FRAS1: variants seen among roughly 807,000 people sequenced by gnomAD.
FRAS1 encodes extracellular matrix organizing protein FRAS1.
A neutral mutation model predicts 435.2 loss-of-function variants in FRAS1; 290 were observed. The ratio of observed to expected loss-of-function variants is 0.67; its 90% CI spans 0.61 to 0.73. The LOEUF is 0.73. Ranked by LOEUF, FRAS1 falls within the 30% of genes least tolerant of loss-of-function variation. The pLI is 0.00. For missense variants in FRAS1, 4,860 were observed against 5,001.5 expected (o/e 0.97, Z 0.85); for synonymous variants, 1,800 against 1,851.0 (o/e 0.97, Z 0.71).
At chr4:78,278,195 A>G (rs1312312722) in intron 9 of FRAS1, among the ~76,000 whole-genome samples, 1 of 152,226 alleles carries the variant, frequency 6.6e-6, no homozygotes, top group South Asian at 2.1e-4. Context: ...TGCTTAATTT[A>G]TGCTTAAGAC....
intron 20 of FRAS1, among the ~76,000 whole-genome samples, chr4:78,341,307 G>T (rs996240040): frequency 6.6e-6 from 1 of 152,192 alleles, no homozygotes; most frequent in Non-Finnish European, 1.5e-5. Flanking sequence ...GACTTGAAGT[G>T]GGAGGGAGCA....
chr4:78,287,114 G>A (rs1727645075), intron 14 of FRAS1, among the ~76,000 whole-genome samples: 1 of 152,078 alleles, frequency 6.6e-6, no homozygotes, highest in South Asian at 2.1e-4. Flanking sequence ...AGAAGGCAAA[G>A]GGGAAGCAAG....
rs1718788319 is a variant in FRAS1, at chr4:78,445,526, T to C, written c.5670T>C (p.Asp1890=). ...GCTCTCTTGATGTTGATGCAGGTGA[T>C]CGTTTTGGCCCTGAAACTGCCAGTG... ...YGCIENTGTG[D]RFGPETASDL... Residue 1890 remains aspartate (D), a synonymous_variant, in exon 42 of 74, where the codon GAT becomes GAC. Transcript: ENST00000512123. The C allele has an allele frequency of 6.4e-7, 1 of 1,565,362 alleles. No individual in the cohort carries two copies. Among genetic ancestry groups the C allele is most frequent in the East Asian group, 2.3e-5 (1 of 43,980 alleles).
At chr4:78,272,458 G>A (rs1457096062) in intron 9 of FRAS1, among the ~76,000 whole-genome samples, 1 of 152,188 alleles carries the variant, frequency 6.6e-6, no homozygotes, top group Non-Finnish European at 1.5e-5. Context: ...TGCCATTTAA[G>A]TCTTTAATCC....
Position 78,363,588 on chromosome 4 carries a change from C to T in FRAS1, c.2498C>T (p.Ala833Val), listed in dbSNP as rs770503690. The change falls in exon 21 of 74, where the codon GCC becomes GTC. Residue 833 changes from alanine to valine, a missense_variant. Ala to Val is a moderately conservative substitution (Grantham distance 64, BLOSUM62 0). Coordinates refer to ENST00000512123, the MANE Select transcript of FRAS1 (RefSeq NM_025074.7). ...TGSICLRCQN[A>V]HYLLLGDHCV... ...AGCATCTGCCTCAGGTGCCAGAATG[C>T]CCACTACCTGCTGCTCGGGGACCAC... 6.2e-7 allele frequency: 1 copy of T among 1,611,638 alleles called. No individual in the cohort carries two copies. Among genetic ancestry groups the T allele is most frequent in the Non-Finnish European group, 8.5e-7 (1 of 1,178,916 alleles).
intron 6 of FRAS1, among the ~76,000 whole-genome samples, chr4:78,262,746 C>G (rs1726170438): frequency 6.6e-6 from 1 of 152,146 alleles, no homozygotes; most frequent in Admixed American, 6.6e-5. Flanking sequence ...CCGAATACAT[C>G]TTTAGTGATA....
At chr4:78,448,342 C>T (rs1183225360) in intron 44 of FRAS1, 26 bp downstream of exon 44, 1 of 1,559,716 alleles carries the variant, frequency 6.4e-7, no homozygotes, top group Middle Eastern at 2.2e-4. Flanking sequence ...AGGAGAGTGG[C>T]CATGGTTTTT....
intron 64 of FRAS1, among the ~76,000 whole-genome samples, chr4:78,512,086 T>C (rs1175424144): frequency 3.9e-5 from 6 of 152,184 alleles, no homozygotes; most frequent in Non-Finnish European, 5.9e-5. Context: ...CCTAAATATC[T>C]ACTGAACAAA....
chr4:78,439,683 G>T (rs568798250), intron 40 of FRAS1, among the ~76,000 whole-genome samples: 1 of 152,150 alleles, frequency 6.6e-6, no homozygotes, highest in African/African-American at 2.4e-5. Context: ...TTTTAAGAGA[G>T]GAGGTTTCAC....
In FRAS1 at chr4:78,430,907, G is replaced by A. The variant is rs185216227; in HGVS notation, c.4969+490G>A. 7.2e-5 allele frequency among the ~76,000 whole-genome samples: 11 copies of A among 151,868 alleles called. No individual in the cohort carries two copies. In the East Asian group the frequency reaches 1.7e-3, roughly 24 times the overall value. On this transcript the variant is annotated intron_variant, in intron 37 of 73. Coordinates refer to ENST00000512123, the MANE Select transcript of FRAS1 (RefSeq NM_025074.7). ...GATATAACAGTGTGGTAATGTGATC[G>A]GCTTTCCAAAATAACTCTTATTGTG...
At chr4:78,137,429 A>C (rs1227437102) in intron 2 of FRAS1, among the ~76,000 whole-genome samples, 1 of 152,230 alleles carries the variant, frequency 6.6e-6, no homozygotes. Flanking sequence ...AATGAAGGAA[A>C]GAGAATGATT....
chr4:78,524,210 C>A (rs779301969), intron 69 of FRAS1, among the ~76,000 whole-genome samples: 5 of 152,210 alleles, frequency 3.3e-5, no homozygotes, highest in Admixed American at 6.5e-5. Flanking sequence ...ACATATGATT[C>A]ATCTTAAATC....
chr4:78,252,939 A>C (rs1052131857), intron 5 of FRAS1, among the ~76,000 whole-genome samples: 1 of 152,198 alleles, frequency 6.6e-6, no homozygotes, highest in Non-Finnish European at 1.5e-5. Flanking sequence ...CTTGATAAAC[A>C]TCTTAACGGA....
chr4:78,224,905 G>C (rs965737894), intron 2 of FRAS1, among the ~76,000 whole-genome samples: 1 of 152,076 alleles, frequency 6.6e-6, no homozygotes, highest in Non-Finnish European at 1.5e-5. Flanking sequence ...AAAAAGCAGT[G>C]TCTCTATGGA....
At chr4:78,121,176 C>A (rs1279265299) in intron 2 of FRAS1, among the ~76,000 whole-genome samples, 1 of 152,112 alleles carries the variant, frequency 6.6e-6, no homozygotes, top group Non-Finnish European at 1.5e-5. Flanking sequence ...GACCTTTCTC[C>A]TTGAAGCAAT....
intron 2 of FRAS1, among the ~76,000 whole-genome samples, chr4:78,123,536 G>A (rs1719157346): frequency 6.6e-6 from 1 of 152,126 alleles, no homozygotes; most frequent in South Asian, 2.1e-4. Context: ...AGCTTGATGG[G>A]AATAGCATTG....
intron 3 of FRAS1, among the ~76,000 whole-genome samples, chr4:78,243,673 T>C (rs200811324): frequency 9.1e-5 from 12 of 131,370 alleles, no homozygotes; most frequent in African/African-American, 1.9e-4. Context: ...TATATATATA[T>C]ACACACAAAC....
intron 35 of FRAS1, among the ~76,000 whole-genome samples, chr4:78,428,529 T>A (rs1734082602): frequency 6.6e-6 from 1 of 152,164 alleles, no homozygotes; most frequent in Non-Finnish European, 1.5e-5. Context: ...TTCATCGTGT[T>A]AGCCAGGATG....
chr4:78,329,624 A>G (rs1010252135), intron 18 of FRAS1, among the ~76,000 whole-genome samples: 1 of 152,234 alleles, frequency 6.6e-6, no homozygotes, highest in South Asian at 2.1e-4. Context: ...GAGATGGGGT[A>G]GTGAGTCTCG....
Sources: gnomAD v4.1 joint callset for allele counts (sites outside exome capture counted in the v4.1 genomes callset) on GRCh38, gnomAD v4.1.1 for gene constraint, MANE v1.5 for transcripts, NCBI Gene and HGNC (gene_info 2026-07-23, HGNC 2026-07-21) for gene names.